Variants in SLCO1A2 observed in about 807,000 individuals in gnomAD.
The protein encoded by SLCO1A2 is solute carrier organic anion transporter family member 1A2, also known as OATP-1.
A neutral mutation model predicts 69.0 loss-of-function variants in SLCO1A2; 67 were observed. The ratio of observed to expected loss-of-function variants is 0.97; its 90% CI spans 0.80 to 1.19. The LOEUF is 1.19. Ranked by LOEUF, SLCO1A2 falls within the 50% of genes most tolerant of loss-of-function variation. The probability of loss-of-function intolerance (pLI) is 0.00; values close to 1 mark genes in which losing one functional copy is unlikely to be tolerated. For synonymous variants in SLCO1A2, 260 were observed against 265.9 expected, an observed-to-expected ratio of 0.98 and a Z score of 0.22; for missense variants, 787 against 793.7, an observed-to-expected ratio of 0.99 and a Z score of 0.10.
At chr12:21,387,304 G>A (rs922256967) in intron 1 of SLCO1A2, among the ~76,000 whole-genome samples, 5 of 152,164 alleles carry the variant, frequency 3.3e-5, no homozygotes, top group Admixed American at 3.3e-4. Context: ...CAAGATGATG[G>A]AGAAAATGTC....
intron 2 of SLCO1A2, among the ~76,000 whole-genome samples, chr12:21,341,879 A>C (rs1953080639): frequency 2.0e-5 from 3 of 152,056 alleles, no homozygotes; most frequent in Admixed American, 6.6e-5. Context: ...TGGGACGAGT[A>C]AATAAAATGA....
At chr12:21,309,530 T>G (rs1177354096) in intron 4 of SLCO1A2, among the ~76,000 whole-genome samples, 3 of 151,992 alleles carry the variant, frequency 2.0e-5, no homozygotes, top group African/African-American at 7.2e-5. Flanking sequence ...TTGGGGGAAA[T>G]GTCTTCAAAA....
Position 21,264,610 on chromosome 12 carries a change from TA to T in SLCO1A2, c.*4937del, listed in dbSNP as rs919081801. 4 of 152,306 alleles carry T rather than the reference TA, an allele frequency of 2.6e-5. No individual in the cohort carries two copies. Among genetic ancestry groups the T allele is most frequent in the African/African-American group, 9.6e-5 (4 of 41,578 alleles). 9.4% of individuals were successfully genotyped at this position (152,306 alleles called of 1,614,324 possible). On this transcript the variant is annotated 3_prime_UTR_variant, in exon 15 of 15. Coordinates refer to ENST00000683939, the MANE Select transcript of SLCO1A2 (RefSeq NM_001386879.1). ...ATGATTAAGCCAATGTAAACATTGTTAAAAAATTTATTTGCAATTTTTTTTG... is the reference window on the plus strand; with the variant it reads ...ATGATTAAGCCAATGTAAACATTGTTAAAAATTTATTTGCAATTTTTTTTG...
chr12:21,339,455 T>C (rs1952995918), upstream of SLCO1A2, among the ~76,000 whole-genome samples: 1 of 152,026 alleles, frequency 6.6e-6, no homozygotes. Flanking sequence ...GAAAGCCTGT[T>C]TTTAAACTAG....
intron 12 of SLCO1A2, among the ~76,000 whole-genome samples, chr12:21,281,751 G>A (rs1293303359): frequency 6.6e-6 from 1 of 151,962 alleles, no homozygotes; most frequent in East Asian, 1.9e-4. Context: ...GACATCCAAA[G>A]GATTTTAAGA....
intron 1 of SLCO1A2, among the ~76,000 whole-genome samples, chr12:21,402,357 T>A (rs1265783727): frequency 6.6e-6 from 1 of 152,006 alleles, no homozygotes; most frequent in Non-Finnish European, 1.5e-5. Context: ...TTGTATGAAC[T>A]GGGGTTTATA....
At chr12:21,324,486 C>T (rs1384063860) in intron 2 of SLCO1A2, 2 of 152,136 alleles carry the variant, frequency 1.3e-5, no homozygotes, top group Non-Finnish European at 2.9e-5. Context: ...TTATTCTAGT[C>T]AAAGACTTGG....
rs1444554107 is a variant in SLCO1A2, at chr12:21,268,646, T to C, written c.*902A>G. Reference sequence around the variant, plus strand: ...CTCTGTTTCATAACAGAAGCTATTGTCTAAGATTATTTTGGGAAAATTAGT... The same window carrying C: ...CTCTGTTTCATAACAGAAGCTATTGCCTAAGATTATTTTGGGAAAATTAGT... On this transcript the variant is annotated 3_prime_UTR_variant, in exon 15 of 15. Coordinates refer to ENST00000683939, the MANE Select transcript of SLCO1A2 (RefSeq NM_001386879.1). 6.6e-6 allele frequency: 1 copy of C among 152,132 alleles called. No individual in the cohort carries two copies. Among genetic ancestry groups the C allele is most frequent in the Non-Finnish European group, 1.5e-5 (1 of 67,994 alleles). 9.4% of individuals were successfully genotyped at this position (152,132 alleles called of 1,614,324 possible). A position where few individuals can be genotyped will look rare whatever the true frequency, so the allele number is the denominator to read the frequency against.
chr12:21,364,505 T>A (rs1009056558), intron 2 of SLCO1A2, among the ~76,000 whole-genome samples: 11 of 152,186 alleles, frequency 7.2e-5, no homozygotes, highest in African/African-American at 2.4e-4. Context: ...GGATGCCCTC[T>A]CTCACCACTC....
At chr12:21,418,923 GA>G (rs1942033417), upstream of SLCO1A2, among the ~76,000 whole-genome samples, 1 of 151,702 alleles carries the variant, frequency 6.6e-6, no homozygotes, top group Non-Finnish European at 1.5e-5. Flanking sequence ...TTAAATTATT[GA>G]AAAAAATTAA....
At chr12:21,320,218 A>G (rs1328847403) in intron 2 of SLCO1A2, among the ~76,000 whole-genome samples, 1 of 152,154 alleles carries the variant, frequency 6.6e-6, no homozygotes, top group Non-Finnish European at 1.5e-5. Flanking sequence ...TCTACCTCAC[A>G]TATTCCTTTC....
intron 1 of SLCO1A2, among the ~76,000 whole-genome samples, chr12:21,376,663 A>T (rs74065061): frequency 0.021 from 2,810 of 134,718 alleles, 100 homozygotes; most frequent in African/African-American, 0.091. Context: ...AGTAAAATTT[A>T]AAAAAAAAAC....
rs193181618 is a variant in SLCO1A2, at chr12:21,390,753, A to C, written c.-190+4153T>G. ...ATTGACTCAAATAGGAGATATCTAA[A>C]TCTTCTTTTGCTGAATCCTAAAAAG... On this transcript the variant is annotated intron_variant, in intron 1 of 15. Coordinates refer to the SLCO1A2 transcript ENST00000307378. 3.9e-3 allele frequency among the ~76,000 whole-genome samples: 588 copies of C among 152,282 alleles called. 8 individuals carry two copies. The highest frequency in any genetic ancestry group is 0.024 in the Admixed American group (364 of 15,292).
Position 21,295,542 on chromosome 12 carries a change from A to G in SLCO1A2, c.1271+55T>C, listed in dbSNP as rs896107763. The G allele has an allele frequency of 5.0e-5, 57 of 1,148,136 alleles. No individual in the cohort carries two copies. The African/African-American group carries it at 8.1e-4, about 16-fold the overall frequency. The allele number at this position is 1,148,136 out of a possible 1,614,324, so 71.1% of individuals were successfully genotyped here. A position where few individuals can be genotyped will look rare whatever the true frequency, so the allele number is the denominator to read the frequency against. On this transcript the variant is annotated intron_variant, in intron 10 of 14. Transcript: ENST00000683939. ...TGATCGTGCATTGCCATTGTAAAAA[A>G]TATCATATTAACCATTTGTTGAAAG...
At chr12:21,331,326 G>T (rs2136942512) in intron 2 of SLCO1A2, among the ~76,000 whole-genome samples, 1 of 152,160 alleles carries the variant, frequency 6.6e-6, no homozygotes, top group Non-Finnish European at 1.5e-5. Context: ...GAAAATGAAA[G>T]AACAATTGTG....
At position 21,293,796 on chromosome 12, in the gene SLCO1A2, T is replaced by A. The variant is rs142507672; in HGVS notation, c.1437+149A>T. 1.1e-3 allele frequency: 557 copies of A among 524,502 alleles called. 5 individuals carry two copies. The highest frequency in any genetic ancestry group is 7.9e-3 in the African/African-American group (399 of 50,480). The allele number at this position is 524,502 out of a possible 1,614,324, so 32.5% of individuals were successfully genotyped here. A position where few individuals can be genotyped will look rare whatever the true frequency, so the allele number is the denominator to read the frequency against. On this transcript the variant is annotated intron_variant, in intron 11 of 14. Coordinates refer to ENST00000683939, the MANE Select transcript of SLCO1A2 (RefSeq NM_001386879.1). The stretch of plus-strand genomic sequence containing the variant: ...ATCTGGGAAATAAAAGGTAATCAAG[T>A]GACCATCATAGAGTTATTTTTCCAC...
At position 21,267,822 on chromosome 12, in the gene SLCO1A2, C is replaced by T. The variant is rs1942238647; in HGVS notation, c.*1726G>A. 6.6e-6 allele frequency: 1 copy of T among 152,062 alleles called. No homozygotes were observed. 9.4% of individuals were successfully genotyped at this position (152,062 alleles called of 1,614,324 possible). On this transcript the variant is annotated 3_prime_UTR_variant, in exon 15 of 15. Coordinates refer to ENST00000683939, the MANE Select transcript of SLCO1A2 (RefSeq NM_001386879.1). ...TTCCAGGCCATTCTCCTCACTTCCT[C>T]CCACCACAAAGGAAGTGGCTCCAAA...
chr12:21,371,207 G>A (rs73080816), intron 2 of SLCO1A2, among the ~76,000 whole-genome samples: 4,882 of 152,222 alleles, frequency 0.032, 108 homozygotes, highest in Middle Eastern at 0.054. Flanking sequence ...TTATAGCAAT[G>A]GTAAACTGAC....
At chr12:21,398,609 T>C (rs1476521757), upstream of SLCO1A2, among the ~76,000 whole-genome samples, 1 of 151,954 alleles carries the variant, frequency 6.6e-6, no homozygotes, top group Non-Finnish European at 1.5e-5. Flanking sequence ...TGATGAACAT[T>C]GATGCAAAAA....
Sources: allele counts gnomAD v4.1 joint callset (sites outside exome capture counted in the v4.1 genomes callset), GRCh38; gene constraint gnomAD v4.1.1; transcripts MANE v1.5; gene names NCBI Gene and HGNC (gene_info 2026-07-23, HGNC 2026-07-21).